The following KCNN2 variants were observed in gnomAD, a reference collection of about 807,000 sequenced individuals.
KCNN2 encodes the protein potassium calcium-activated channel subfamily N member 2, also known as small conductance calcium-activated potassium channel protein 2.
A neutral mutation model predicts 55.5 loss-of-function variants in KCNN2; 24 were observed. That is an observed-to-expected ratio of 0.43 (90% confidence interval 0.31 to 0.61). The LOEUF (loss-of-function observed/expected upper bound fraction) is 0.61, where lower values mean the gene tolerates loss of function less well. Among genes scored for constraint, KCNN2 ranks in the 20% least tolerant of loss-of-function variants. KCNN2 has a pLI of 0.08. For synonymous variants in KCNN2, 431 were observed against 336.1 expected (o/e 1.28, Z -3.09); for missense variants, 754 against 853.6 (o/e 0.88, Z 1.45).
chr5:114,452,486 T>C (rs1760736485), intron 3 of KCNN2, among the ~76,000 whole-genome samples: 1 of 152,232 alleles, frequency 6.6e-6, no homozygotes, highest in African/African-American at 2.4e-5. Context: ...TTACTATTTT[T>C]ACTCATCTAC....
intron 2 of KCNN2, among the ~76,000 whole-genome samples, chr5:114,385,656 C>T (rs1189537951): frequency 6.6e-6 from 1 of 152,058 alleles, no homozygotes; most frequent in Admixed American, 6.6e-5. Flanking sequence ...CACTTTCACC[C>T]AGGTGCCTTT....
At chr5:114,433,030 C>G (rs893861900) in intron 3 of KCNN2, among the ~76,000 whole-genome samples, 2 of 152,196 alleles carry the variant, frequency 1.3e-5, no homozygotes, top group Non-Finnish European at 2.9e-5. Context: ...TCCACGGTGC[C>G]CAGTCCCATC....
intron 2 of KCNN2, among the ~76,000 whole-genome samples, chr5:114,278,669 C>A (rs1755545386): frequency 6.6e-6 from 1 of 152,224 alleles, no homozygotes; most frequent in Admixed American, 6.5e-5. Flanking sequence ...ATGGGACCTG[C>A]CAAGCCAGGC....
At chr5:114,118,253 A>C (rs1463241241) in intron 1 of KCNN2, among the ~76,000 whole-genome samples, 1 of 152,140 alleles carries the variant, frequency 6.6e-6, no homozygotes, top group Admixed American at 6.5e-5. Context: ...GTTCCCTAAA[A>C]AACCTCAGTA....
At chr5:114,395,272 C>A (rs191205359) in intron 2 of KCNN2, among the ~76,000 whole-genome samples, 1 of 152,116 alleles carries the variant, frequency 6.6e-6, no homozygotes, top group Non-Finnish European at 1.5e-5. Context: ...TGATGATGAG[C>A]TTGAAGTATA....
At chr5:114,283,671 T>G (rs1425233453) in intron 2 of KCNN2, among the ~76,000 whole-genome samples, 1 of 152,212 alleles carries the variant, frequency 6.6e-6, no homozygotes, top group African/African-American at 2.4e-5. Flanking sequence ...GAATATACCT[T>G]CTTCCAGATA....
At chr5:114,291,211 TAA>T (rs77651060) in intron 2 of KCNN2, among the ~76,000 whole-genome samples, 107,916 of 151,400 alleles carry the variant, frequency 0.71, 39,268 homozygotes, top group East Asian at 0.88. Context: ...TATTATACTT[TAA>T]GTTTTAGGGT....
chr5:114,203,488 T>C (rs1753714824), intron 1 of KCNN2, among the ~76,000 whole-genome samples: 1 of 152,240 alleles, frequency 6.6e-6, no homozygotes, highest in Non-Finnish European at 1.5e-5. Context: ...TCTCTGAGGC[T>C]AATTGGTACC....
intron 1 of KCNN2, among the ~76,000 whole-genome samples, chr5:114,063,994 C>T (rs1228772390): frequency 1.8e-4 from 28 of 152,158 alleles, no homozygotes; most frequent in Admixed American, 1.8e-3. Context: ...TCTTTTCTCA[C>T]AACTTATGGT....
chr5:114,211,360 C>A lies in KCNN2; in HGVS notation c.-270-10120C>A, dbSNP rs143010731. Among the ~76,000 whole-genome samples the A allele has an allele frequency of 8.6e-4, 131 of 152,244 alleles. 1 individual carries two copies. Among genetic ancestry groups the A allele is most frequent in the African/African-American group, 3.1e-3 (128 of 41,534 alleles). ...ATAAAGAAAATATGGTACATATACA[C>A]CATGAAACGCTATGCAGCCATAAAA... is the stretch of plus-strand genomic sequence containing the variant. On this transcript the variant is annotated intron_variant, in intron 1 of 10. Coordinates refer to the KCNN2 transcript ENST00000512097.
chr5:114,210,939 G>T (rs1216599866), intron 1 of KCNN2, among the ~76,000 whole-genome samples: 1 of 152,018 alleles, frequency 6.6e-6, no homozygotes, highest in African/African-American at 2.4e-5. Context: ...AGAGACATAT[G>T]TGTGGCCAAC....
intron 5 of KCNN2, among the ~76,000 whole-genome samples, chr5:114,481,995 G>T (rs1331120938): frequency 6.6e-6 from 1 of 152,022 alleles, no homozygotes; most frequent in African/African-American, 2.4e-5. Context: ...TGACAGAAAT[G>T]CCAAAAGCAA....
At chr5:114,078,619 T>C (rs1176322208) in intron 1 of KCNN2, among the ~76,000 whole-genome samples, 2 of 152,070 alleles carry the variant, frequency 1.3e-5, no homozygotes, top group Non-Finnish European at 2.9e-5. Context: ...GAAGAGAAAG[T>C]AGTTTGAGTT....
intron 3 of KCNN2, among the ~76,000 whole-genome samples, chr5:114,430,842 A>G (rs1044276418): frequency 6.6e-6 from 1 of 152,046 alleles, no homozygotes; most frequent in Non-Finnish European, 1.5e-5. Flanking sequence ...TTCTGCATCT[A>G]TTGATATGAT....
intron 2 of KCNN2, among the ~76,000 whole-genome samples, chr5:114,343,293 T>C (rs1056686758): frequency 6.6e-6 from 1 of 152,158 alleles, no homozygotes; most frequent in African/African-American, 2.4e-5. Context: ...TATGGAAAGA[T>C]GGGATGCTTG....
chr5:114,311,528 C>A (rs1021645338), intron 2 of KCNN2, among the ~76,000 whole-genome samples: 2 of 152,084 alleles, frequency 1.3e-5, no homozygotes, highest in Non-Finnish European at 2.9e-5. Flanking sequence ...CTGTTTTTGG[C>A]AGGCTCCCTC....
chr5:114,068,558 T>C (rs1750498082), intron 1 of KCNN2, among the ~76,000 whole-genome samples: 1 of 152,202 alleles, frequency 6.6e-6, no homozygotes, highest in South Asian at 2.1e-4. Context: ...TTCTGGGGCA[T>C]ACATTTCAGA....
At chr5:114,317,273 C>A (rs1034648952) in intron 2 of KCNN2, among the ~76,000 whole-genome samples, 3 of 151,790 alleles carry the variant, frequency 2.0e-5, no homozygotes, top group African/African-American at 7.3e-5. Context: ...ATGTCTCAAG[C>A]CTATCTTAAG....
rs1757868930 is a variant in KCNN2, at chr5:114,374,254, A to G, written c.1218+10253A>G. Among the ~76,000 whole-genome samples the G allele has an allele frequency of 2.0e-5, 3 of 152,136 alleles. No homozygotes were observed. In the South Asian group the frequency reaches 6.2e-4, roughly 31 times the overall value. On this transcript the variant is annotated intron_variant, in intron 2 of 7. Transcript: ENST00000673685. ...CTGGTGACTTAAAAGAGTTAAGTGAAGCACTCCTAAAAGTAAGCAAGGGGA... is the reference window on the plus strand; with the variant it reads ...CTGGTGACTTAAAAGAGTTAAGTGAGGCACTCCTAAAAGTAAGCAAGGGGA...
Sources: gnomAD v4.1 joint callset for allele counts (sites outside exome capture counted in the v4.1 genomes callset) on GRCh38, gnomAD v4.1.1 for gene constraint, MANE v1.5 for transcripts, NCBI Gene and HGNC (gene_info 2026-07-23, HGNC 2026-07-21) for gene names.